The following GDAP1L1 variants were observed in gnomAD, a reference collection of about 807,000 sequenced individuals.
GDAP1L1 encodes the protein ganglioside-induced differentiation-associated protein 1-like 1.
Under a neutral mutation model 37.1 loss-of-function variants are expected in GDAP1L1, and 21 were observed. The ratio of observed to expected loss-of-function variants is 0.57; its 90% CI spans 0.40 to 0.81. The LOEUF (loss-of-function observed/expected upper bound fraction) is 0.81. Among genes scored for constraint, GDAP1L1 ranks in the 40% least tolerant of loss-of-function variants. The probability of loss-of-function intolerance (pLI) is 0.00; values close to 1 mark genes in which losing one functional copy is unlikely to be tolerated. For synonymous variants in GDAP1L1, 193 were observed against 209.1 expected (o/e 0.92, Z 0.67); for missense variants, 362 against 491.6 (o/e 0.74, Z 2.49).
In GDAP1L1 at chr20:44,264,461, A is replaced by G. The variant is rs2073729153; in HGVS notation, c.662A>G (p.His221Arg). The change falls in exon 5 of 6, where the codon CAT (histidine) becomes CGT (arginine). Residue 221 changes from histidine (H) to arginine (R), a missense_variant. Around this residue, in one of 2 missense-constraint regions of GDAP1L1, gnomAD observed 277 missense variants for 337.1 expected, o/e 0.82. Transcript: ENST00000342560. ...QKKLMAKILE[H>R]DDVSYLKKIL... is the part of the protein sequence containing the mutation. ...TGCCCCCAGGCCAAGATCTTGGAGCATGATGATGTGAGCTACCTGAAGAAG... is the reference window on the plus strand; with the variant it reads ...TGCCCCCAGGCCAAGATCTTGGAGCGTGATGATGTGAGCTACCTGAAGAAG... 3 of 1,515,184 alleles carry G rather than the reference A, an allele frequency of 2.0e-6. No homozygotes were observed. The Middle Eastern group carries it at 5.3e-4, about 269-fold the overall frequency. 93.9% of individuals were successfully genotyped at this position (1,515,184 alleles called of 1,614,324 possible). A position where few individuals can be genotyped will look rare whatever the true frequency, so the allele number is the denominator to read the frequency against.
chr20:44,259,382 G>A (rs549612292), intron 3 of GDAP1L1, among the ~76,000 whole-genome samples: 2 of 152,238 alleles, frequency 1.3e-5, no homozygotes, highest in East Asian at 1.9e-4. Flanking sequence ...TGGTCATGTC[G>A]TCCCCCTCAA....
chr20:44,277,484 A>G (rs1038683004), intron 5 of GDAP1L1, among the ~76,000 whole-genome samples: 10 of 152,198 alleles, frequency 6.6e-5, no homozygotes, highest in South Asian at 2.1e-4. Flanking sequence ...GCGGGAGAGA[A>G]GCAGACTCTG....
At chr20:44,264,722 ACTTC>A in intron 5 of GDAP1L1, 163 bp downstream of exon 5, 1 of 1,408,678 alleles carries the variant, frequency 7.1e-7, no homozygotes, top group Non-Finnish European at 9.5e-7. Flanking sequence ...TAACTTGGCC[ACTTC>A]CTAGCTTAGT....
Position 44,278,965 on chromosome 20 carries a change from T to C in GDAP1L1, c.769T>C (p.Cys257Arg). The C allele has an allele frequency of 6.2e-6, 10 of 1,611,008 alleles. No homozygotes were observed. Among genetic ancestry groups the C allele is most frequent in the Non-Finnish European group, 8.5e-6 (10 of 1,177,624 alleles). Residue 257 changes from cysteine to arginine, a missense_variant, in exon 6 of 6, where the codon TGC becomes CGC. Coordinates refer to ENST00000342560, the MANE Select transcript of GDAP1L1 (RefSeq NM_024034.6). ...TCTTTCTTCCACTCTAGGGCAGAAA[T>C]GCGAGCTGTGGCTCTGTGGCTGTGC... ...KRKLENEGQK[C>R]ELWLCGCAFT... is the part of the protein sequence containing the mutation.
intron 5 of GDAP1L1, among the ~76,000 whole-genome samples, chr20:44,268,687 A>C (rs2146036750): frequency 6.6e-6 from 1 of 152,362 alleles, no homozygotes; most frequent in East Asian, 1.9e-4. Context: ...CCTGGAGAAG[A>C]ATCAGGGCAG....
chr20:44,272,647 AGAG>A (rs559595702), intron 5 of GDAP1L1, among the ~76,000 whole-genome samples: 185 of 152,242 alleles, frequency 1.2e-3, no homozygotes, highest in African/African-American at 3.5e-3. Flanking sequence ...ACACACAAGT[AGAG>A]GAGAAGAGAG....
At chr20:44,278,882 T>G in intron 5 of GDAP1L1, 75 bp from the exon 6 acceptor site, 2 of 919,028 alleles carry the variant, frequency 2.2e-6, no homozygotes, top group Non-Finnish European at 3.4e-6. Context: ...CAGAAGCCAG[T>G]GGAGCTCATG....
intron 1 of GDAP1L1, 22 bp from the exon 2 acceptor site, chr20:44,257,131 G>C: frequency 1.3e-6 from 2 of 1,555,892 alleles, no homozygotes; most frequent in African/African-American, 1.4e-5. Flanking sequence ...CGCCTTCCCC[G>C]CTCTGACCCT....
chr20:44,253,603 G>A (rs1016964890), intron 1 of GDAP1L1, among the ~76,000 whole-genome samples: 4 of 152,196 alleles, frequency 2.6e-5, no homozygotes, highest in African/African-American at 9.6e-5. Context: ...AGGGAAGTTC[G>A]TTTACCTAGA....
chr20:44,272,491 A>T (rs1224188394), intron 5 of GDAP1L1, among the ~76,000 whole-genome samples: 1 of 151,972 alleles, frequency 6.6e-6, no homozygotes, highest in Non-Finnish European at 1.5e-5. Flanking sequence ...ATATAATAGG[A>T]CCCTGGGCAG....
chr20:44,275,715 G>C (rs2062565780), intron 5 of GDAP1L1, among the ~76,000 whole-genome samples: 1 of 152,164 alleles, frequency 6.6e-6, no homozygotes, highest in African/African-American at 2.4e-5. Context: ...TGTAGTCAGT[G>C]GGGGAGAATT....
chr20:44,275,225 G>T (rs1029767957), intron 5 of GDAP1L1, among the ~76,000 whole-genome samples: 2 of 152,176 alleles, frequency 1.3e-5, no homozygotes, highest in African/African-American at 2.4e-5. Flanking sequence ...CCTATTCAAG[G>T]ATAACCTTCT....
At position 44,264,512 on chromosome 20, in the gene GDAP1L1, T is replaced by C; in HGVS notation, c.713T>C (p.Leu238Pro). ...ATCCTCGGGGAACTGGCCATGGTGC[T>C]GGACCAGATTGAGGCGGAGCTGGAG... ...KKILGELAMV[L>P]DQIEAELEKR... Residue 238 changes from leucine (L) to proline (P), a missense_variant, in exon 5 of 6, where the codon CTG becomes CCG. This residue lies in a region of GDAP1L1 where 277 missense variants were observed against 337.1 expected (regional missense o/e 0.82). Transcript: ENST00000342560. The C allele has an allele frequency of 6.3e-7, 1 of 1,597,662 alleles. No homozygotes were observed. The highest frequency in any genetic ancestry group is 1.3e-5 in the African/African-American group (1 of 74,402).
chr20:44,276,436 GAAA>G (rs1568659564), intron 5 of GDAP1L1, among the ~76,000 whole-genome samples: 23 of 143,768 alleles, frequency 1.6e-4, no homozygotes, highest in African/African-American at 5.3e-4. Flanking sequence ...AAGAAAGAAA[GAAA>G]GAAAGAAAGA....
At chr20:44,256,151 G>A (rs1392046014) in intron 1 of GDAP1L1, among the ~76,000 whole-genome samples, 1 of 152,168 alleles carries the variant, frequency 6.6e-6, no homozygotes, top group Non-Finnish European at 1.5e-5. Flanking sequence ...ATTGCTGTGT[G>A]ACTTTGGGTA....
chr20:44,277,247 G>A (rs189038087), intron 5 of GDAP1L1, among the ~76,000 whole-genome samples: 1 of 152,166 alleles, frequency 6.6e-6, no homozygotes, highest in African/African-American at 2.4e-5. Context: ...GATTACAGGC[G>A]TGAGCCACGG....
In GDAP1L1 at chr20:44,261,059, A is replaced by G. The variant is rs1427441053; in HGVS notation, c.548-2171A>G. On this transcript the variant is annotated intron_variant, in intron 3 of 5. Transcript: ENST00000342560. Reference sequence around the variant, plus strand: ...AGCCATTTGAAGGTGCCTAGAAGGCACTGGGAGTCCAGAGCAGACCCAGCC... The same window carrying G: ...AGCCATTTGAAGGTGCCTAGAAGGCGCTGGGAGTCCAGAGCAGACCCAGCC... 2.6e-5 allele frequency among the ~76,000 whole-genome samples: 4 copies of G among 152,288 alleles called. No homozygotes were observed. The East Asian group carries it at 7.7e-4, about 29-fold the overall frequency.
chr20:44,257,669 C>T (rs12481259), intron 2 of GDAP1L1, among the ~76,000 whole-genome samples: 27,853 of 151,918 alleles, frequency 0.18, 2,828 homozygotes, highest in Middle Eastern at 0.27. Context: ...CAGGCATGGC[C>T]CCTTCAGCAT....
In GDAP1L1 at chr20:44,264,500, T is replaced by C; in HGVS notation, c.701T>C (p.Leu234Pro). The part of the protein sequence containing the change: ...VSYLKKILGE[L>P]AMVLDQIEAE... ...TACCTGAAGAAGATCCTCGGGGAAC[T>C]GGCCATGGTGCTGGACCAGATTGAG... Residue 234 changes from leucine (L) to proline (P), a missense_variant, in exon 5 of 6, where the codon CTG becomes CCG. Around this residue, in one of 2 missense-constraint regions of GDAP1L1, gnomAD observed 277 missense variants for 337.1 expected, o/e 0.82. Coordinates refer to ENST00000342560, the MANE Select transcript of GDAP1L1 (RefSeq NM_024034.6). The C allele has an allele frequency of 6.4e-7, 1 of 1,562,630 alleles. No homozygotes were observed. Among genetic ancestry groups the C allele is most frequent in the Non-Finnish European group, 8.7e-7 (1 of 1,154,026 alleles).
Sources: gnomAD v4.1 joint callset for allele counts (sites outside exome capture counted in the v4.1 genomes callset) on GRCh38, gnomAD v4.1.1 for gene constraint, gnomAD v4.1.1 regional missense constraint, MANE v1.5 for transcripts, NCBI Gene and HGNC (gene_info 2026-07-23, HGNC 2026-07-21) for gene names.